MYRIP: variants seen among roughly 807,000 people sequenced by gnomAD.
MYRIP encodes myosin VIIA and Rab interacting protein.
MYRIP carries 49 observed loss-of-function variants against 98.0 expected under a neutral mutation model. The ratio of observed to expected loss-of-function variants is 0.50; its 90% CI spans 0.40 to 0.63. The LOEUF is 0.63. Ranked by LOEUF, MYRIP falls within the 30% of genes least tolerant of loss-of-function variation. MYRIP has a pLI of 0.00. For missense variants in MYRIP, 1,004 were observed against 1,058.2 expected (o/e 0.95, Z 0.71); for synonymous variants, 404 against 409.5 (o/e 0.99, Z 0.16).
intron 1 of MYRIP, among the ~76,000 whole-genome samples, chr3:39,853,474 A>G (rs1229517149): frequency 6.6e-6 from 1 of 151,794 alleles, no homozygotes; most frequent in Non-Finnish European, 1.5e-5. Context: ...GTGGTATCTC[A>G]TTGTGGTTTT....
At chr3:39,896,166 G>C (rs151263587) in intron 1 of MYRIP, among the ~76,000 whole-genome samples, 1 of 152,322 alleles carries the variant, frequency 6.6e-6, no homozygotes, top group African/African-American at 2.4e-5. Context: ...GCTATTCTCA[G>C]GCAGGAGAGA....
intron 11 of MYRIP, among the ~76,000 whole-genome samples, chr3:40,223,556 A>C (rs1158049421): frequency 6.6e-6 from 1 of 152,196 alleles, no homozygotes. Flanking sequence ...ATGTAAGAAA[A>C]GACAGGTTCT....
intron 2 of MYRIP, among the ~76,000 whole-genome samples, chr3:40,028,981 G>T (rs1167065109): frequency 6.6e-6 from 1 of 152,066 alleles, no homozygotes; most frequent in Admixed American, 6.6e-5. Context: ...AAATGCCATT[G>T]GAATTTGCAG....
At chr3:39,815,717 C>T (rs867367736) in intron 1 of MYRIP, among the ~76,000 whole-genome samples, 1 of 152,052 alleles carries the variant, frequency 6.6e-6, no homozygotes, top group Non-Finnish European at 1.5e-5. Flanking sequence ...ATTACACTGC[C>T]TAGGGCCTCT....
intron 2 of MYRIP, among the ~76,000 whole-genome samples, chr3:40,019,444 GA>G (rs1217230552): frequency 1.3e-5 from 2 of 152,058 alleles, no homozygotes; most frequent in Non-Finnish European, 2.9e-5. Context: ...CACAAGCAGC[GA>G]TGCTTCTGTA....
At chr3:40,134,100 G>A (rs1277436657) in intron 3 of MYRIP, among the ~76,000 whole-genome samples, 1 of 152,192 alleles carries the variant, frequency 6.6e-6, no homozygotes, top group African/African-American at 2.4e-5. Flanking sequence ...GCCACACCCG[G>A]GAAGCGCAAG....
chr3:40,245,602 T>C (rs972076745), intron 13 of MYRIP, among the ~76,000 whole-genome samples: 1 of 134,208 alleles, frequency 7.5e-6, no homozygotes, highest in African/African-American at 2.9e-5. Context: ...TGAGCCAAGA[T>C]TGCACCACTG....
At chr3:39,886,883 T>C (rs941433312) in intron 1 of MYRIP, among the ~76,000 whole-genome samples, 3 of 152,074 alleles carry the variant, frequency 2.0e-5, no homozygotes, top group African/African-American at 7.3e-5. Flanking sequence ...CAACAGAATA[T>C]ACATTGTTTT....
In MYRIP at chr3:40,176,356, G is replaced by A. The variant is rs140701744; in HGVS notation, c.874-5864G>A. Among the ~76,000 whole-genome samples, 209 of 152,306 alleles carry A rather than the reference G, an allele frequency of 1.4e-3. 1 individual carries two copies. Among genetic ancestry groups the A allele is most frequent in the South Asian group, 3.3e-3 (16 of 4,830 alleles). On this transcript the variant is annotated intron_variant, in intron 8 of 16. Transcript: ENST00000302541. ...TGCCTAGTGGTGACTATGTTGGATG[G>A]TGCAGATGTAGAACATTTCCATCAT...
intron 8 of MYRIP, among the ~76,000 whole-genome samples, chr3:40,178,194 C>T (rs1265210397): frequency 6.6e-6 from 1 of 152,142 alleles, no homozygotes; most frequent in Admixed American, 6.6e-5. Context: ...GGGAGCCTGT[C>T]CTGTTGATGA....
intron 2 of MYRIP, among the ~76,000 whole-genome samples, chr3:39,995,087 G>GA (rs909853209): frequency 2.6e-5 from 4 of 152,092 alleles, no homozygotes; most frequent in South Asian, 4.2e-4. Flanking sequence ...AAAGATGGGG[G>GA]AAAAAAACAG....
rs139939454 is a variant in MYRIP, at chr3:40,253,043, A to C, written c.2547+1044A>C. Among the ~76,000 whole-genome samples, 294 of 152,352 alleles carry C rather than the reference A, an allele frequency of 1.9e-3. 1 individual carries two copies. The highest frequency in any genetic ancestry group is 6.9e-3 in the African/African-American group (285 of 41,576). ...AAGCAATAATGTTAATGTAAGTAAC[A>C]TGAAGACATTCTCCATTGCATAAGC... is the stretch of plus-strand genomic sequence containing the variant. On this transcript the variant is annotated intron_variant, in intron 16 of 16. Transcript: ENST00000302541.
At chr3:40,000,148 C>T (rs1382906942) in intron 2 of MYRIP, among the ~76,000 whole-genome samples, 1 of 151,644 alleles carries the variant, frequency 6.6e-6, no homozygotes, top group African/African-American at 2.4e-5. Context: ...GCACGTTGTG[C>T]ACATGTACCC....
intron 10 of MYRIP, among the ~76,000 whole-genome samples, chr3:40,196,119 T>G (rs1951384665): frequency 6.6e-6 from 1 of 152,026 alleles, no homozygotes; most frequent in South Asian, 2.1e-4. Flanking sequence ...ATTCTCATTC[T>G]CTATCATTCC....
intron 1 of MYRIP, among the ~76,000 whole-genome samples, chr3:39,836,051 C>G (rs542851495): frequency 1.3e-5 from 2 of 152,276 alleles, no homozygotes; most frequent in Non-Finnish European, 2.9e-5. Context: ...CTGCAGTAAA[C>G]ATATGTGTGG....
chr3:40,229,975 C>A (rs1952603725), intron 11 of MYRIP, among the ~76,000 whole-genome samples: 1 of 152,188 alleles, frequency 6.6e-6, no homozygotes. Flanking sequence ...GTATCTGGCA[C>A]CTAATAAATG....
chr3:40,069,029 C>A (rs1447019905), intron 3 of MYRIP, among the ~76,000 whole-genome samples: 1 of 152,172 alleles, frequency 6.6e-6, no homozygotes, highest in African/African-American at 2.4e-5. Context: ...AGAAACAAAG[C>A]CTGGCTTGCC....
chr3:39,973,628 C>A (rs62264388), intron 2 of MYRIP, among the ~76,000 whole-genome samples: 1 of 152,132 alleles, frequency 6.6e-6, no homozygotes, highest in Non-Finnish European at 1.5e-5. Flanking sequence ...CACACTTATT[C>A]CAAAATTGGC....
At chr3:40,163,346 C>T (rs951674791) in intron 5 of MYRIP, among the ~76,000 whole-genome samples, 2 of 152,066 alleles carry the variant, frequency 1.3e-5, no homozygotes, top group Admixed American at 1.3e-4. Context: ...ACTCTCTATT[C>T]TCTCTTTGGG....
Sources: allele counts gnomAD v4.1 joint callset (sites outside exome capture counted in the v4.1 genomes callset), GRCh38; gene constraint gnomAD v4.1.1; transcripts MANE v1.5; gene names NCBI Gene and HGNC (gene_info 2026-07-23, HGNC 2026-07-21).